B3GLCT: variants seen among roughly 807,000 people sequenced by gnomAD.
The protein encoded by B3GLCT is beta 3-glucosyltransferase.
In B3GLCT, 65 loss-of-function variants were observed where a neutral mutation model predicts 63.4. That is an observed-to-expected ratio of 1.03 (90% confidence interval 0.84 to 1.26). B3GLCT has a LOEUF of 1.26. B3GLCT is among the 50% of genes most tolerant of loss of function. B3GLCT has a pLI of 0.00. For missense variants in B3GLCT, 577 were observed against 604.8 expected (o/e 0.95, Z 0.48); for synonymous variants, 233 against 219.2 (o/e 1.06, Z -0.55).
Position 31,329,863 on chromosome 13 carries a change from G to T in B3GLCT, c.*195G>T, listed in dbSNP as rs1220513574. 1.3e-5 allele frequency: 8 copies of T among 620,640 alleles called. No individual in the cohort carries two copies. Among genetic ancestry groups the T allele is most frequent in the Admixed American group, 8.7e-5 (3 of 34,662 alleles). The allele number at this position is 620,640 out of a possible 1,614,324, so 38.4% of individuals were successfully genotyped here. On this transcript the variant is annotated 3_prime_UTR_variant, in exon 15 of 15. Transcript: ENST00000343307. Reference sequence around the variant, plus strand: ...TCACAGGAGAAACATTTTTTTTTCTGGGAAAAATCACTTGCTTTTGACTTA... The same window carrying T: ...TCACAGGAGAAACATTTTTTTTTCTTGGAAAAATCACTTGCTTTTGACTTA...
intron 2 of B3GLCT, among the ~76,000 whole-genome samples, chr13:31,222,583 T>C (rs142001101): frequency 6.6e-6 from 1 of 152,234 alleles, no homozygotes; most frequent in Non-Finnish European, 1.5e-5. Flanking sequence ...TCCTCTGATA[T>C]GTTCCTAATG....
At chr13:31,231,021 T>A (rs186400376) in intron 4 of B3GLCT, among the ~76,000 whole-genome samples, 1,843 of 151,470 alleles carry the variant, frequency 0.012, 16 homozygotes, top group Non-Finnish European at 0.015. Context: ...AAAAAAAAAA[T>A]TTTTTTTTCT....
intron 4 of B3GLCT, among the ~76,000 whole-genome samples, chr13:31,244,949 T>C (rs1340697598): frequency 2.1e-5 from 3 of 145,200 alleles, no homozygotes; most frequent in Admixed American, 6.8e-5. Flanking sequence ...TAACAAGGCA[T>C]GCTAGCTTTT....
intron 2 of B3GLCT, among the ~76,000 whole-genome samples, chr13:31,222,040 C>A (rs1392026677): frequency 1.3e-5 from 2 of 150,804 alleles, no homozygotes; most frequent in African/African-American, 4.9e-5. Context: ...GTCTGGAGCT[C>A]TCCAGCTCTT....
intron 8 of B3GLCT, among the ~76,000 whole-genome samples, chr13:31,273,044 G>T (rs889077273): frequency 6.6e-6 from 1 of 152,090 alleles, no homozygotes. Flanking sequence ...TAGGTTGCCA[G>T]TCATTTTCTG....
intron 10 of B3GLCT, among the ~76,000 whole-genome samples, chr13:31,278,486 T>C (rs1178182527): frequency 2.6e-5 from 4 of 152,218 alleles, no homozygotes; most frequent in African/African-American, 9.6e-5. Context: ...ATTGATTTAC[T>C]GCTGTTAATT....
chr13:31,294,515 C>A (rs1262912006), intron 12 of B3GLCT, among the ~76,000 whole-genome samples: 1 of 151,914 alleles, frequency 6.6e-6, no homozygotes, highest in African/African-American at 2.4e-5. Context: ...ATTTTTCATT[C>A]TTTTTTCTCT....
In B3GLCT at chr13:31,222,818, C is replaced by T. The variant is rs554164279; in HGVS notation, c.121-134C>T. 7.7e-4 allele frequency: 520 copies of T among 673,368 alleles called. 1 individual carries two copies. The highest frequency in any genetic ancestry group is 3.5e-4 in the Non-Finnish European group (129 of 369,156). The allele number at this position is 673,368 out of a possible 1,614,324, so 41.7% of individuals were successfully genotyped here. A position where few individuals can be genotyped will look rare whatever the true frequency, so the allele number is the denominator to read the frequency against. On this transcript the variant is annotated intron_variant, in intron 2 of 14. Coordinates refer to ENST00000343307, the MANE Select transcript of B3GLCT (RefSeq NM_194318.4). Reference sequence around the variant, plus strand: ...TTTCGGTCTCATTTCTTTAGGGAAGCGTTTCCAAGCTCCGTTTTTCAAATC... The same window carrying T: ...TTTCGGTCTCATTTCTTTAGGGAAGTGTTTCCAAGCTCCGTTTTTCAAATC...
intron 1 of B3GLCT, among the ~76,000 whole-genome samples, chr13:31,201,144 T>A (rs1380050125): frequency 6.6e-6 from 1 of 152,166 alleles, no homozygotes. Context: ...CTTGCTGGTG[T>A]GAAAAGGCAA....
intron 1 of B3GLCT, among the ~76,000 whole-genome samples, chr13:31,208,916 G>T (rs1325214997): frequency 4.6e-5 from 7 of 151,992 alleles, no homozygotes; most frequent in East Asian, 1.9e-4. Context: ...CCCCACAGGG[G>T]TTCCTGCCCG....
At chr13:31,223,055 C>A in intron 3 of B3GLCT, 64 bp downstream of exon 3, 1 of 1,077,572 alleles carries the variant, frequency 9.3e-7, no homozygotes, top group Non-Finnish European at 1.4e-6. Context: ...AATTATATTT[C>A]CATGAAGTGA....
chr13:31,260,163 C>T (rs1871956735), intron 6 of B3GLCT, among the ~76,000 whole-genome samples: 1 of 152,184 alleles, frequency 6.6e-6, no homozygotes, highest in African/African-American at 2.4e-5. Flanking sequence ...AAACTTTTTC[C>T]CACCTCAGGG....
At chr13:31,247,149 C>A in intron 5 of B3GLCT, 50 bp downstream of exon 5, 1 of 1,362,852 alleles carries the variant, frequency 7.3e-7, no homozygotes, top group Non-Finnish European at 1.1e-6. Flanking sequence ...TACCTGAACA[C>A]TTTTACGCCC....
intron 1 of B3GLCT, among the ~76,000 whole-genome samples, chr13:31,203,555 G>T (rs1307560350): frequency 6.6e-6 from 1 of 152,180 alleles, no homozygotes; most frequent in African/African-American, 2.4e-5. Flanking sequence ...TTTGGAGCCA[G>T]GTTTTTTTGG....
At chr13:31,323,948 C>G (rs928208076) in intron 14 of B3GLCT, 53 bp downstream of exon 14, 7 of 1,598,894 alleles carry the variant, frequency 4.4e-6, no homozygotes, top group Non-Finnish European at 6.0e-6. Context: ...ACAGATTCTT[C>G]TCACTTAAGG....
At position 31,260,970 on chromosome 13, in the gene B3GLCT, C is replaced by T. The variant is rs1744993565; in HGVS notation, c.484C>T (p.His162Tyr). The T allele has an allele frequency of 6.2e-7, 1 of 1,613,748 alleles. No individual in the cohort carries two copies. The change falls in exon 7 of 15, where the codon CAT becomes TAT. Residue 162 changes from histidine to tyrosine, a missense_variant. Transcript: ENST00000343307. ...SKEWFLGKAL[H>Y]DEEATIIHHY... ...GGAATGGTTTTTGGGAAAAGCATTA[C>T]ATGATGAAGAAGCTACAATAATTCA...
At chr13:31,279,140 GC>G (rs1293247427) in intron 10 of B3GLCT, among the ~76,000 whole-genome samples, 2 of 152,110 alleles carry the variant, frequency 1.3e-5, no homozygotes, top group Admixed American at 6.5e-5. Context: ...GTGAAAGTAG[GC>G]TTTCCATTTT....
chr13:31,270,122 A>G (rs1245392830), intron 8 of B3GLCT, among the ~76,000 whole-genome samples: 1 of 152,184 alleles, frequency 6.6e-6, no homozygotes, highest in Non-Finnish European at 1.5e-5. Context: ...GGCAGGTGGC[A>G]GTTGTCCCAT....
intron 13 of B3GLCT, among the ~76,000 whole-genome samples, chr13:31,321,114 A>G (rs1468581402): frequency 2.6e-5 from 4 of 152,220 alleles, no homozygotes; most frequent in African/African-American, 9.6e-5. Flanking sequence ...ATAGGGACTC[A>G]TGTTTTTCAA....
Sources: gnomAD v4.1 joint callset for allele counts (sites outside exome capture counted in the v4.1 genomes callset) on GRCh38, gnomAD v4.1.1 for gene constraint, MANE v1.5 for transcripts, NCBI Gene and HGNC (gene_info 2026-07-23, HGNC 2026-07-21) for gene names.